Variants in TANGO6 observed in about 807,000 individuals in gnomAD.
TANGO6 encodes transport and golgi organization 6 homolog.
A neutral mutation model predicts 114.2 loss-of-function variants in TANGO6; 90 were observed. The ratio of observed to expected loss-of-function variants is 0.79; its 90% CI spans 0.66 to 0.94. TANGO6 has a LOEUF of 0.94. Among genes scored for constraint, TANGO6 ranks in the 40% least tolerant of loss-of-function variants. The pLI is 0.00. For missense variants in TANGO6, 1,274 were observed against 1,315.3 expected, an observed-to-expected ratio of 0.97 and a Z score of 0.49; for synonymous variants, 477 against 509.8, an observed-to-expected ratio of 0.94 and a Z score of 0.87.
rs1333893433 is a variant in TANGO6, at chr16:68,930,310, G to T, written c.2701+15G>T. 7.8e-6 allele frequency: 12 copies of T among 1,547,012 alleles called. No individual in the cohort carries two copies. The highest frequency in any genetic ancestry group is 1.1e-5 in the Non-Finnish European group (12 of 1,142,206). On this transcript the variant is annotated intron_variant, in intron 14 of 17. Coordinates refer to ENST00000261778, the MANE Select transcript of TANGO6 (RefSeq NM_024562.2). ...TGCAATTCAGGGTAAGTCAGTCCTGGTTAAAGGACTTTAAGTATGTGGACC... is the reference window on the plus strand; with the variant it reads ...TGCAATTCAGGGTAAGTCAGTCCTGTTTAAAGGACTTTAAGTATGTGGACC...
At chr16:69,059,071 C>G (rs1319094912) in intron 17 of TANGO6, among the ~76,000 whole-genome samples, 1 of 148,860 alleles carries the variant, frequency 6.7e-6, no homozygotes, top group Non-Finnish European at 1.5e-5. Context: ...CCATGCCCAG[C>G]TAATTTCTTT....
chr16:68,884,979 C>G (rs751339267), intron 7 of TANGO6, among the ~76,000 whole-genome samples: 1 of 152,210 alleles, frequency 6.6e-6, no homozygotes, highest in Admixed American at 6.5e-5. Context: ...TAATTATTCT[C>G]TCTGCAAGGT....
At chr16:68,881,784 A>G (rs750439334) in intron 7 of TANGO6, among the ~76,000 whole-genome samples, 26 of 152,224 alleles carry the variant, frequency 1.7e-4, no homozygotes, top group Non-Finnish European at 2.9e-4. Flanking sequence ...TATATGTGGT[A>G]TATGCTTTTG....
intron 1 of TANGO6, among the ~76,000 whole-genome samples, chr16:68,858,692 A>C (rs1962039838): frequency 6.6e-6 from 1 of 151,946 alleles, no homozygotes; most frequent in South Asian, 2.1e-4. Flanking sequence ...TACATTGCCC[A>C]GGCTGATCTC....
At chr16:68,855,204 C>G (rs1191119497) in intron 1 of TANGO6, among the ~76,000 whole-genome samples, 1 of 150,180 alleles carries the variant, frequency 6.7e-6, no homozygotes. Context: ...GAAGCTCCGT[C>G]TCAAAAAAAA....
chr16:69,069,844 C>T (rs1005871071), intron 17 of TANGO6, among the ~76,000 whole-genome samples: 1 of 152,072 alleles, frequency 6.6e-6, no homozygotes, highest in Non-Finnish European at 1.5e-5. Context: ...AGAAAGGGAT[C>T]TTGGATCTCG....
At chr16:69,023,469 A>C (rs185248089) in intron 16 of TANGO6, among the ~76,000 whole-genome samples, 40 of 152,274 alleles carry the variant, frequency 2.6e-4, no homozygotes, top group African/African-American at 9.6e-4. Flanking sequence ...AAAAACAAAA[A>C]CAAAAAATTA....
chr16:68,882,310 C>T (rs913280415), intron 7 of TANGO6, among the ~76,000 whole-genome samples: 4 of 151,874 alleles, frequency 2.6e-5, no homozygotes, highest in Non-Finnish European at 5.9e-5. Flanking sequence ...TCCTGGCTAA[C>T]ATGGTGAAAC....
intron 17 of TANGO6, among the ~76,000 whole-genome samples, chr16:69,082,646 G>A (rs867783953): frequency 6.6e-6 from 1 of 152,098 alleles, no homozygotes; most frequent in African/African-American, 2.4e-5. Context: ...TCAGGAGGCT[G>A]AGGCAGGAGA....
chr16:68,990,723 A>G (rs1302682841), intron 15 of TANGO6, among the ~76,000 whole-genome samples: 1 of 152,180 alleles, frequency 6.6e-6, no homozygotes, highest in Admixed American at 6.6e-5. Context: ...CTCATTCATC[A>G]TTGAACTCAG....
intron 14 of TANGO6, among the ~76,000 whole-genome samples, chr16:68,935,264 A>G (rs999589942): frequency 7.2e-5 from 11 of 152,036 alleles, no homozygotes; most frequent in African/African-American, 2.7e-4. Flanking sequence ...AGTTGTGGGG[A>G]CTGTGTATTT....
intron 11 of TANGO6, among the ~76,000 whole-genome samples, chr16:68,915,931 T>G (rs1962997542): frequency 6.6e-6 from 1 of 152,202 alleles, no homozygotes; most frequent in African/African-American, 2.4e-5. Flanking sequence ...ATTTCTAAAA[T>G]GATTTCTCTC....
At chr16:68,996,359 C>T (rs1963989322) in intron 15 of TANGO6, among the ~76,000 whole-genome samples, 1 of 152,060 alleles carries the variant, frequency 6.6e-6, no homozygotes, top group African/African-American at 2.4e-5. Flanking sequence ...TAAACTGTGT[C>T]GACTCTGGCT....
At chr16:68,919,715 A>G (rs556207576) in intron 12 of TANGO6, among the ~76,000 whole-genome samples, 3 of 152,300 alleles carry the variant, frequency 2.0e-5, no homozygotes, top group East Asian at 1.9e-4. Context: ...TTACATACCT[A>G]ATTTATAATT....
At chr16:68,908,221 T>G (rs1962878081) in intron 10 of TANGO6, among the ~76,000 whole-genome samples, 1 of 152,116 alleles carries the variant, frequency 6.6e-6, no homozygotes, top group African/African-American at 2.4e-5. Flanking sequence ...AGTTTAAGGT[T>G]TCTGTGGGTA....
intron 7 of TANGO6, among the ~76,000 whole-genome samples, chr16:68,888,787 C>A (rs1028144877): frequency 6.6e-6 from 1 of 151,914 alleles, no homozygotes; most frequent in African/African-American, 2.4e-5. Flanking sequence ...ATAAGTGTAA[C>A]CTCTCACTTT....
intron 15 of TANGO6, among the ~76,000 whole-genome samples, chr16:69,015,062 A>G (rs142008679): frequency 6.6e-6 from 1 of 152,304 alleles, no homozygotes; most frequent in Non-Finnish European, 1.5e-5. Context: ...AGACTAGGGT[A>G]CAATACAGTC....
intron 12 of TANGO6, among the ~76,000 whole-genome samples, chr16:68,925,643 T>C (rs1471088989): frequency 3.3e-5 from 5 of 152,208 alleles, no homozygotes; most frequent in Admixed American, 1.3e-4. Flanking sequence ...ACTATTTCTT[T>C]CATAGATCAT....
intron 16 of TANGO6, among the ~76,000 whole-genome samples, 165 bp downstream of exon 16, chr16:69,023,144 C>T (rs1385522325): frequency 6.6e-6 from 1 of 152,008 alleles, no homozygotes; most frequent in Non-Finnish European, 1.5e-5. Context: ...TCATCTGTCT[C>T]ACATGTATAT....
Sources: gnomAD v4.1 joint callset for allele counts (sites outside exome capture counted in the v4.1 genomes callset) on GRCh38, gnomAD v4.1.1 for gene constraint, MANE v1.5 for transcripts, NCBI Gene and HGNC (gene_info 2026-07-23, HGNC 2026-07-21) for gene names.